Variants in MAOA observed in about 807,000 individuals in gnomAD.
MAOA encodes amine oxidase [flavin-containing] A.
A neutral mutation model predicts 42.0 loss-of-function variants in MAOA; 6 were observed. That is an observed-to-expected ratio of 0.14 (90% CI 0.08 to 0.28). The LOEUF (loss-of-function observed/expected upper bound fraction) is 0.28, where lower values mean the gene tolerates loss of function less well. Ranked by LOEUF, MAOA falls within the 10% of genes least tolerant of loss-of-function variation. The probability of loss-of-function intolerance (pLI) is 1.00; values close to 1 mark genes in which losing one functional copy is unlikely to be tolerated. For synonymous variants in MAOA, 140 were observed against 154.0 expected (o/e 0.91, Z 0.67); for missense variants, 262 against 422.3 (o/e 0.62, Z 3.33).
At chrX:43,660,784 A>T (rs962706133) in intron 1 of MAOA, among the ~76,000 whole-genome samples, 2 of 111,897 alleles carry the variant, frequency 1.8e-5, no homozygotes, top group African/African-American at 6.5e-5. Context: ...TCAGTCACTG[A>T]ATTCAGTTGT....
chrX:43,721,753 A>G (rs937260729), intron 5 of MAOA, among the ~76,000 whole-genome samples: 1 of 108,438 alleles, frequency 9.2e-6, no homozygotes, highest in African/African-American at 3.4e-5. Flanking sequence ...GGTTTGTTAC[A>G]TAGGTATCCA....
At chrX:43,676,410 G>A (rs1422710222) in intron 1 of MAOA, among the ~76,000 whole-genome samples, 1 of 111,751 alleles carries the variant, frequency 8.9e-6, no homozygotes, top group Non-Finnish European at 1.9e-5. Context: ...GTAAGGCAAT[G>A]CTTCACCCTA....
At position 43,719,415 on chromosome X, in the gene MAOA, T is replaced by C. The variant is rs748360117; in HGVS notation, c.503+6619T>C. Among the ~76,000 whole-genome samples, 26 of 110,708 alleles carry C rather than the reference T, an allele frequency of 2.3e-4. No individual in the cohort carries two copies. In the South Asian group the frequency reaches 5.5e-3, roughly 23 times the overall value. Reference sequence around the variant, plus strand: ...TTAGAGAGATGGTGTCTTCCAGCAATCTGCCACAAGGGTGGTTAGAGGTCC... The same window carrying C: ...TTAGAGAGATGGTGTCTTCCAGCAACCTGCCACAAGGGTGGTTAGAGGTCC... On this transcript the variant is annotated intron_variant, in intron 5 of 14. Transcript: ENST00000338702.
At chrX:43,728,464 A>G (rs2033856646) in intron 6 of MAOA, 150 bp downstream of exon 6, 1 of 632,261 alleles carries the variant, frequency 1.6e-6, no homozygotes. Flanking sequence ...TGAAAAAAAA[A>G]TTTCTCATTT....
At chrX:43,691,380 A>AT (rs1010762456) in intron 2 of MAOA, among the ~76,000 whole-genome samples, 17 of 111,016 alleles carry the variant, frequency 1.5e-4, no homozygotes, top group Non-Finnish European at 2.5e-4. Context: ...TCTCAAAAAA[A>AT]AAAAATAAAA....
intron 5 of MAOA, among the ~76,000 whole-genome samples, chrX:43,722,061 GT>G (rs1215985904): frequency 8.9e-6 from 1 of 111,854 alleles, no homozygotes; most frequent in African/African-American, 3.3e-5. Context: ...TGGTGTATAT[GT>G]GCCACATTTT....
chrX:43,689,333 A>T (rs1314243290), intron 2 of MAOA, among the ~76,000 whole-genome samples: 1 of 112,160 alleles, frequency 8.9e-6, no homozygotes, highest in Non-Finnish European at 1.9e-5. Context: ...ACTTTATTAT[A>T]TTATGGCTTT....
At position 43,656,426 on chromosome X, in the gene MAOA, C is replaced by T; in HGVS notation, c.73+12C>T. 1 of 1,206,273 alleles carries T rather than the reference C, an allele frequency of 8.3e-7. No homozygotes were observed. Among genetic ancestry groups the T allele is most frequent in the Non-Finnish European group, 1.1e-6 (1 of 890,855 alleles). On this transcript the variant is annotated intron_variant, in intron 1 of 14. Transcript: ENST00000338702. ...AGGTGGCATTTCAGGTCAGTGTGGA[C>T]CGTAGCGGTGGCCTGGGGGACCCTG...
Position 43,731,295 on chromosome X carries a change from C to T in MAOA, c.700C>T (p.Leu234Phe). 8.3e-7 allele frequency: 1 copy of T among 1,209,544 alleles called. No individual in the cohort carries two copies. The highest frequency in any genetic ancestry group is 1.1e-6 in the Non-Finnish European group (1 of 893,338). The change falls in exon 7 of 15, where the codon CTC becomes TTC. Residue 234 changes from leucine to phenylalanine, a missense_variant. Transcript: ENST00000338702. ...GQVSERIMDL[L>F]GDQVKLNHPV... Reference sequence around the variant, plus strand: ...AGTGAGCGAACGGATAATGGACCTCCTCGGAGACCAAGTGAAGCTGAACCA... The same window carrying T: ...AGTGAGCGAACGGATAATGGACCTCTTCGGAGACCAAGTGAAGCTGAACCA...
At chrX:43,678,262 C>T (rs2033416726) in intron 1 of MAOA, among the ~76,000 whole-genome samples, 1 of 111,377 alleles carries the variant, frequency 9.0e-6, no homozygotes, top group Admixed American at 9.6e-5. Context: ...GGCTTCTTAT[C>T]ACTAGATTCT....
chrX:43,741,220 C>G (rs2033958407), intron 11 of MAOA, among the ~76,000 whole-genome samples: 1 of 110,997 alleles, frequency 9.0e-6, no homozygotes. Flanking sequence ...CAATTCACAA[C>G]TCATTTAGGA....
intron 2 of MAOA, among the ~76,000 whole-genome samples, chrX:43,683,957 G>C (rs113060243): frequency 7.7e-5 from 8 of 103,851 alleles, no homozygotes; most frequent in African/African-American, 2.9e-4. Context: ...AATACACACA[G>C]ACACACACAC....
chrX:43,701,652 G>A (rs956860899), intron 3 of MAOA, among the ~76,000 whole-genome samples: 35 of 111,790 alleles, frequency 3.1e-4, no homozygotes, highest in Non-Finnish European at 5.6e-4. Context: ...AGCACAGAAA[G>A]GGGGTTAAGT....
chrX:43,663,400 A>G (rs945963923), intron 1 of MAOA, among the ~76,000 whole-genome samples: 2 of 112,073 alleles, frequency 1.8e-5, no homozygotes, highest in Non-Finnish European at 3.8e-5. Flanking sequence ...CATAAAAAAC[A>G]GATGATAAGA....
At chrX:43,657,562 A>G (rs1220626930) in intron 1 of MAOA, among the ~76,000 whole-genome samples, 1 of 110,703 alleles carries the variant, frequency 9.0e-6, no homozygotes, top group African/African-American at 3.3e-5. Context: ...CATGATTGAT[A>G]TATTGTCGCC....
chrX:43,678,231 G>T (rs1029333661), intron 1 of MAOA, among the ~76,000 whole-genome samples: 2 of 111,218 alleles, frequency 1.8e-5, no homozygotes, highest in African/African-American at 6.5e-5. Context: ...TTATCATGCG[G>T]GTGGGGAGTG....
chrX:43,711,290 A>ACC (rs1301532278), intron 3 of MAOA, among the ~76,000 whole-genome samples: 2 of 112,515 alleles, frequency 1.8e-5, no homozygotes, highest in Non-Finnish European at 3.8e-5. Flanking sequence ...AGGGGAATGG[A>ACC]TGCTCGGCAG....
In MAOA at chrX:43,744,609, G is replaced by T; in HGVS notation, c.*96G>T. On this transcript the variant is annotated 3_prime_UTR_variant, in exon 15 of 15. Transcript: ENST00000338702. The stretch of plus-strand genomic sequence containing the variant: ...GGCTGTGTCATTGGGCCATGTTTAA[G>T]TGTACTGGATTTAACTACCTTTGGC... 1 of 982,425 alleles carries T rather than the reference G, an allele frequency of 1.0e-6. No individual in the cohort carries two copies. 81.0% of individuals were successfully genotyped at this position (982,425 alleles called of 1,213,427 possible). A position where few individuals can be genotyped will look rare whatever the true frequency, so the allele number is the denominator to read the frequency against.
chrX:43,679,152 G>A (rs889484160), intron 1 of MAOA, among the ~76,000 whole-genome samples: 2 of 110,551 alleles, frequency 1.8e-5, no homozygotes, highest in Non-Finnish European at 3.8e-5. Flanking sequence ...TAGGGCAATC[G>A]TTTTTCTGCA....
Sources: gnomAD v4.1 joint callset for allele counts (sites outside exome capture counted in the v4.1 genomes callset) on GRCh38, gnomAD v4.1.1 for gene constraint, MANE v1.5 for transcripts, NCBI Gene and HGNC (gene_info 2026-07-23, HGNC 2026-07-21) for gene names.